The following TMEM67 variants were observed in gnomAD, a reference collection of about 807,000 sequenced individuals.
TMEM67 encodes meckelin.
Under a neutral mutation model 136.6 loss-of-function variants are expected in TMEM67, and 124 were observed. That is an observed-to-expected ratio of 0.91 (90% CI 0.78 to 1.05). TMEM67 has a LOEUF of 1.05. Among genes scored for constraint, TMEM67 ranks in the 50% least tolerant of loss-of-function variants. The probability of loss-of-function intolerance (pLI) is 0.00; values close to 1 mark genes in which losing one functional copy is unlikely to be tolerated. For synonymous variants in TMEM67, 364 were observed against 390.5 expected (o/e 0.93, Z 0.80); for missense variants, 1,107 against 1,178.4 (o/e 0.94, Z 0.89).
chr8:93,793,216 G>T lies in TMEM67; in HGVS notation c.1594G>T (p.Gly532Cys), dbSNP rs1196732896. 6.2e-7 allele frequency: 1 copy of T among 1,614,008 alleles called. No individual in the cohort carries two copies. Among genetic ancestry groups the T allele is most frequent in the Admixed American group, 1.7e-5 (1 of 60,002 alleles). Residue 532 changes from glycine (G) to cysteine (C), a missense_variant, in exon 16 of 28, where the codon GGT (glycine) becomes TGT (cysteine). By Grantham distance (159) the Gly-to-Cys change is radical. This residue lies in a region of TMEM67 where 925 missense variants were observed against 1,002.4 expected (regional missense o/e 0.92). Transcript: ENST00000453321. ...VQTDIALGVL[G>C]GLAVLASLLK... ...TTTTTAGATTGCTTTGGGTGTATTGGGTGGGCTAGCTGTTTTAGCATCTCT... is the reference window on the plus strand; with the variant it reads ...TTTTTAGATTGCTTTGGGTGTATTGTGTGGGCTAGCTGTTTTAGCATCTCT...
chr8:93,803,234 CAT>C (rs1814943804), intron 21 of TMEM67, among the ~76,000 whole-genome samples: 7 of 152,142 alleles, frequency 4.6e-5, no homozygotes, highest in Admixed American at 4.6e-4. Context: ...AGCATTTTCT[CAT>C]GTCTTGAAAT....
At chr8:93,812,200 C>A (rs868613911) in intron 26 of TMEM67, among the ~76,000 whole-genome samples, 1 of 149,860 alleles carries the variant, frequency 6.7e-6, no homozygotes, top group Non-Finnish European at 1.5e-5. Flanking sequence ...TGCCAATGAA[C>A]ATGGATATCA....
At chr8:93,791,031 A>G (rs1380269946) in intron 14 of TMEM67, among the ~76,000 whole-genome samples, 1 of 152,224 alleles carries the variant, frequency 6.6e-6, no homozygotes, top group East Asian at 1.9e-4. Flanking sequence ...AATTTAACTT[A>G]TCTCCTAATG....
chr8:93,813,904 A>C (rs561377096), intron 26 of TMEM67, among the ~76,000 whole-genome samples: 1 of 152,218 alleles, frequency 6.6e-6, no homozygotes, highest in Non-Finnish European at 1.5e-5. Context: ...AAGATTATAT[A>C]TGCAAGTGTA....
At chr8:93,755,631 C>A in intron 1 of TMEM67, 147 bp from the exon 2 acceptor site, 1 of 623,106 alleles carries the variant, frequency 1.6e-6, no homozygotes, top group South Asian at 2.1e-5. Flanking sequence ...GATTTGAACC[C>A]AGGCAGTACT....
At position 93,797,098 on chromosome 8, in the gene TMEM67, T is replaced by C; in HGVS notation, c.1861-36T>C. On this transcript the variant is annotated intron_variant, in intron 18 of 27. Coordinates refer to ENST00000453321, the MANE Select transcript of TMEM67 (RefSeq NM_153704.6). ...GTTTTATAAGCAGACTTAACGCTGG[T>C]ACTTTTTCAGGTGTTTTATTATATG... 3 of 1,251,658 alleles carry C rather than the reference T, an allele frequency of 2.4e-6. No individual in the cohort carries two copies. In the South Asian group the frequency reaches 3.6e-5, roughly 15 times the overall value. 77.5% of individuals were successfully genotyped at this position (1,251,658 alleles called of 1,614,324 possible).
At chr8:93,818,801 T>G (rs1808990874), downstream of TMEM67, among the ~76,000 whole-genome samples, 1 of 152,174 alleles carries the variant, frequency 6.6e-6, no homozygotes, top group Non-Finnish European at 1.5e-5. Flanking sequence ...TGGGTGTGTG[T>G]GTGTGAGACA....
intron 3 of TMEM67, among the ~76,000 whole-genome samples, chr8:93,760,909 GA>G (rs1812798449): frequency 6.6e-6 from 1 of 151,932 alleles, no homozygotes; most frequent in Non-Finnish European, 1.5e-5. Context: ...AGTTCACATA[GA>G]AAAAAATATT....
intron 3 of TMEM67, among the ~76,000 whole-genome samples, chr8:93,762,445 C>T (rs1563678502): frequency 1.3e-5 from 2 of 151,252 alleles, no homozygotes; most frequent in East Asian, 3.9e-4. Flanking sequence ...AGTCCTCCTG[C>T]CTTGACCTCT....
intron 26 of TMEM67, among the ~76,000 whole-genome samples, chr8:93,813,330 C>T (rs1808773225): frequency 1.3e-5 from 2 of 152,126 alleles, no homozygotes; most frequent in Admixed American, 1.3e-4. Flanking sequence ...AGGCACCTGC[C>T]ACCACACCTG....
chr8:93,820,199 A>G (rs1809021713), downstream of TMEM67, among the ~76,000 whole-genome samples: 1 of 151,548 alleles, frequency 6.6e-6, no homozygotes, highest in African/African-American at 2.4e-5. Context: ...ATGGCTGTGC[A>G]TGGTGTGCCG....
intron 2 of TMEM67, 94 bp downstream of exon 2, chr8:93,755,960 C>T: frequency 1.3e-6 from 1 of 742,762 alleles, no homozygotes; most frequent in African/African-American, 1.8e-5. Context: ...TTAATGTTTC[C>T]CCACAGACTT....
At chr8:93,805,580 CAAAAAAA>C (rs370408912) in intron 23 of TMEM67, among the ~76,000 whole-genome samples, 14 of 58,790 alleles carry the variant, frequency 2.4e-4, no homozygotes, top group African/African-American at 6.9e-4. Context: ...GACTCCGTCT[CAAAAAAA>C]AAAAAAAAAA....
At position 93,763,834 on chromosome 8, in the gene TMEM67, C is replaced by G. The variant is rs778605297; in HGVS notation, c.407-8C>G. On this transcript the variant is annotated splice_region_variant and splice_polypyrimidine_tract_variant and intron_variant, in intron 3 of 27. Transcript: ENST00000453321. ...GTTACATCTTTATTTTGTTTCTAAA[C>G]TGTTCAGTGGAAAGAGACATTAATG... The G allele has an allele frequency of 1.3e-6, 2 of 1,596,338 alleles. No homozygotes were observed. Among genetic ancestry groups the G allele is most frequent in the Non-Finnish European group, 1.7e-6 (2 of 1,164,232 alleles).
chr8:93,824,785 G>A, the TMEM67 span, among the ~76,000 whole-genome samples: 11 of 152,220 alleles, frequency 7.2e-5, no homozygotes, highest in East Asian at 1.5e-3. Flanking sequence ...GCACAATCTC[G>A]ACTCATTGCA....
the TMEM67 span, among the ~76,000 whole-genome samples, chr8:93,825,309 A>C: frequency 6.6e-6 from 1 of 152,212 alleles, no homozygotes. Flanking sequence ...AAAAAACAGT[A>C]ATAGTTTCAA....
intron 10 of TMEM67, among the ~76,000 whole-genome samples, 186 bp from the exon 11 acceptor site, chr8:93,782,209 T>G (rs1338147693): frequency 1.3e-5 from 2 of 152,190 alleles, no homozygotes; most frequent in Non-Finnish European, 2.9e-5. Context: ...CCACCATGCC[T>G]GGCTAAGTTT....
At chr8:93,804,321 T>C (rs1586081683) in intron 22 of TMEM67, among the ~76,000 whole-genome samples, 2 of 135,430 alleles carry the variant, frequency 1.5e-5, no homozygotes, top group Admixed American at 7.2e-5. Context: ...TTTTTTTTTT[T>C]TTTTTTTTTT....
At chr8:93,759,966 G>A in intron 3 of TMEM67, 2 of 1,537,180 alleles carry the variant, frequency 1.3e-6, no homozygotes, top group Non-Finnish European at 1.8e-6. Flanking sequence ...TACTTTAGAA[G>A]GAATGTACAA....
Sources: allele counts gnomAD v4.1 joint callset (sites outside exome capture counted in the v4.1 genomes callset), GRCh38; gene constraint gnomAD v4.1.1; regional missense constraint gnomAD v4.1.1; transcripts MANE v1.5; gene names NCBI Gene and HGNC (gene_info 2026-07-23, HGNC 2026-07-21).